Variants in DMXL2 observed in about 807,000 individuals in gnomAD.
DMXL2 encodes the protein Dmx like 2.
In DMXL2, 103 loss-of-function variants were observed where a neutral mutation model predicts 331.1. The ratio of observed to expected loss-of-function variants is 0.31; its 90% CI spans 0.27 to 0.37. DMXL2 has a LOEUF of 0.37. DMXL2 is among the 10% of genes least tolerant of loss of function. DMXL2 has a pLI of 1.00. For synonymous variants in DMXL2, 1,281 were observed against 1,252.1 expected (o/e 1.02, Z -0.49); for missense variants, 3,171 against 3,642.9 (o/e 0.87, Z 3.33).
At chr15:51,532,150 AG>A (rs994210437) in intron 13 of DMXL2, among the ~76,000 whole-genome samples, 1 of 152,106 alleles carries the variant, frequency 6.6e-6, no homozygotes, top group African/African-American at 2.4e-5. Context: ...GAATGGATGA[AG>A]AAAAAAAAAA....
intron 5 of DMXL2, among the ~76,000 whole-genome samples, 156 bp downstream of exon 5, chr15:51,563,969 A>G (rs1468528938): frequency 1.4e-5 from 2 of 139,876 alleles, no homozygotes; most frequent in Admixed American, 7.4e-5. Context: ...AAATTAAAGA[A>G]TGCTATTATA....
intron 1 of DMXL2, among the ~76,000 whole-genome samples, chr15:51,594,687 CCAG>C (rs2052657429): frequency 6.6e-6 from 1 of 152,180 alleles, no homozygotes. Flanking sequence ...CAAACCAAAT[CCAG>C]CAGCACATCA....
In DMXL2 at chr15:51,448,853, G is replaced by T; in HGVS notation, c.*131C>A. 2 of 899,160 alleles carry T rather than the reference G, an allele frequency of 2.2e-6. No homozygotes were observed. The highest frequency in any genetic ancestry group is 3.4e-6 in the Non-Finnish European group (2 of 587,978). The allele number at this position is 899,160 out of a possible 1,614,324, so 55.7% of individuals were successfully genotyped here. On this transcript the variant is annotated 3_prime_UTR_variant, in exon 44 of 44. Transcript: ENST00000560891. Reference sequence around the variant, plus strand: ...CACCAACCTGTTTAGATAATACTCAGCTTGGGTCATATTCAAATTCTACAC... The same window carrying T: ...CACCAACCTGTTTAGATAATACTCATCTTGGGTCATATTCAAATTCTACAC...
intron 22 of DMXL2, among the ~76,000 whole-genome samples, chr15:51,487,016 T>C (rs577983019): frequency 6.6e-6 from 1 of 152,340 alleles, no homozygotes; most frequent in Non-Finnish European, 1.5e-5. Context: ...AATTGAATAT[T>C]TCCTGTTTTT....
At chr15:51,449,377 TCC>T (rs2038937107) in intron 43 of DMXL2, among the ~76,000 whole-genome samples, 184 bp from the exon 44 acceptor site, 1 of 152,196 alleles carries the variant, frequency 6.6e-6, no homozygotes, top group Non-Finnish European at 1.5e-5. Flanking sequence ...TTTACTGTCC[TCC>T]TTCCATATTT....
At chr15:51,568,794 T>A (rs2050462955) in intron 2 of DMXL2, among the ~76,000 whole-genome samples, 1 of 152,004 alleles carries the variant, frequency 6.6e-6, no homozygotes, top group Non-Finnish European at 1.5e-5. Context: ...TTCAAAGAAA[T>A]CATATTTGGA....
chr15:51,537,119 G>C (rs537129903), intron 11 of DMXL2, among the ~76,000 whole-genome samples: 1 of 152,176 alleles, frequency 6.6e-6, no homozygotes, highest in Non-Finnish European at 1.5e-5. Flanking sequence ...TAGCAATAAA[G>C]TTGAGAGAGA....
chr15:51,530,089 G>T (rs760265389), intron 13 of DMXL2, among the ~76,000 whole-genome samples: 5 of 151,954 alleles, frequency 3.3e-5, no homozygotes, highest in African/African-American at 4.8e-5. Flanking sequence ...AAAAAAGTGG[G>T]TATAGAAGGA....
intron 6 of DMXL2, among the ~76,000 whole-genome samples, chr15:51,551,998 A>G (rs2049250439): frequency 6.6e-6 from 1 of 152,220 alleles, no homozygotes; most frequent in Non-Finnish European, 1.5e-5. Flanking sequence ...AAGGATACAT[A>G]AAAGACGACC....
At position 51,481,266 on chromosome 15, in the gene DMXL2, C is replaced by T; in HGVS notation, c.5840G>A (p.Ser1947Asn). The change falls in exon 24 of 44, where the codon AGT becomes AAT. Residue 1947 changes from serine (S) to asparagine (N), a missense_variant. Ser to Asn is a conservative substitution (Grantham distance 46). This residue lies in a region of DMXL2 where 244 missense variants were observed against 251.4 expected (regional missense o/e 0.97). Coordinates refer to ENST00000560891, the MANE Select transcript of DMXL2 (RefSeq NM_001378457.1). ...HSKALSDGNG[S>N]SGIEWSNVTS... ...TACATTTGACCATTCAATGCCAGAACTTCCATTGCCATCACTCAGAGCTTT... is the reference window on the plus strand; with the variant it reads ...TACATTTGACCATTCAATGCCAGAATTTCCATTGCCATCACTCAGAGCTTT... 2 of 1,613,512 alleles carry T rather than the reference C, an allele frequency of 1.2e-6. No individual in the cohort carries two copies. Among genetic ancestry groups the T allele is most frequent in the Non-Finnish European group, 1.7e-6 (2 of 1,179,920 alleles).
At chr15:51,619,003 G>A (rs535587126) in intron 1 of DMXL2, among the ~76,000 whole-genome samples, 6 of 152,164 alleles carry the variant, frequency 3.9e-5, no homozygotes, top group African/African-American at 1.4e-4. Flanking sequence ...AAGCCTTAAG[G>A]CCAAATGAAT....
At chr15:51,451,496 A>G in intron 42 of DMXL2, 149 bp downstream of exon 42, 2 of 642,768 alleles carry the variant, frequency 3.1e-6, no homozygotes, top group Non-Finnish European at 5.2e-6. Flanking sequence ...TAACTTTCCA[A>G]ATTTTTAGTC....
At chr15:51,494,244 T>C (rs1947397110) in intron 19 of DMXL2, among the ~76,000 whole-genome samples, 1 of 152,206 alleles carries the variant, frequency 6.6e-6, no homozygotes, top group Non-Finnish European at 1.5e-5. Flanking sequence ...TAGCTATTTA[T>C]AGTTATGTTT....
At chr15:51,450,882 G>A (rs1353014634) in intron 42 of DMXL2, among the ~76,000 whole-genome samples, 2 of 152,208 alleles carry the variant, frequency 1.3e-5, no homozygotes, top group Non-Finnish European at 2.9e-5. Context: ...GCAGAATTCT[G>A]CAATAAAATT....
chr15:51,471,279 A>C lies in DMXL2; in HGVS notation c.7336T>G (p.Tyr2446Asp). 1 of 1,614,098 alleles carries C rather than the reference A, an allele frequency of 6.2e-7. No homozygotes were observed. Among genetic ancestry groups the C allele is most frequent in the Non-Finnish European group, 8.5e-7 (1 of 1,179,968 alleles). Residue 2446 changes from tyrosine to aspartate, a missense_variant, in exon 29 of 44, where the codon TAC becomes GAC. By Grantham distance (160) the Tyr-to-Asp change is radical. Around this residue, in one of 7 missense-constraint regions of DMXL2, gnomAD observed 766 missense variants for 940.5 expected, o/e 0.81. Transcript: ENST00000560891. ...PPPVPAERPS[Y>D]KEKFIPPELS... is the part of the protein sequence containing the mutation. ...TCGGGAGGAATAAATTTTTCTTTGT[A>C]AGATGGTCTTTCTGCAGGCACCGGT... is the stretch of plus-strand genomic sequence containing the variant.
chr15:51,588,161 G>GTT (rs200523115), intron 1 of DMXL2, among the ~76,000 whole-genome samples: 4 of 141,434 alleles, frequency 2.8e-5, no homozygotes, highest in South Asian at 2.3e-4. Context: ...TTGTTTAGGG[G>GTT]TTTTTTTTTT....
intron 1 of DMXL2, among the ~76,000 whole-genome samples, chr15:51,602,462 C>T (rs1192398260): frequency 1.3e-5 from 2 of 152,110 alleles, no homozygotes; most frequent in Non-Finnish European, 1.5e-5. Flanking sequence ...GGTACTTTGG[C>T]ACTGAATATA....
intron 1 of DMXL2, among the ~76,000 whole-genome samples, chr15:51,591,578 GCAGTGGTTCTCCCAGCACT>G (rs1348305728): frequency 3.9e-5 from 6 of 152,242 alleles, no homozygotes; most frequent in Admixed American, 3.9e-4. Flanking sequence ...CTTGAAGAGA[GCAGTGGTTCTCCCAGCACT>G]CAGCTGGACA....
At chr15:51,560,156 T>C (rs1342809932) in intron 6 of DMXL2, among the ~76,000 whole-genome samples, 1 of 152,188 alleles carries the variant, frequency 6.6e-6, no homozygotes, top group Non-Finnish European at 1.5e-5. Flanking sequence ...TAAAAAAGAA[T>C]ACTTTTATAG....
Sources: allele counts gnomAD v4.1 joint callset (sites outside exome capture counted in the v4.1 genomes callset), GRCh38; gene constraint gnomAD v4.1.1; regional missense constraint gnomAD v4.1.1; transcripts MANE v1.5; gene names NCBI Gene and HGNC (gene_info 2026-07-23, HGNC 2026-07-21).